The following WNK2 variants were observed in gnomAD, a reference collection of about 807,000 sequenced individuals.
The protein encoded by WNK2 is WNK lysine deficient protein kinase 2.
A neutral mutation model predicts 192.1 loss-of-function variants in WNK2; 67 were observed. That is an observed-to-expected ratio of 0.35 (90% CI 0.29 to 0.43). The LOEUF (loss-of-function observed/expected upper bound fraction) is 0.43, where lower values mean the gene tolerates loss of function less well. Among genes scored for constraint, WNK2 ranks in the 20% least tolerant of loss-of-function variants. WNK2 has a pLI of 1.00. For synonymous variants in WNK2, 1,439 were observed against 1,393.9 expected (o/e 1.03, Z -0.72); for missense variants, 2,698 against 3,089.7 (o/e 0.87, Z 3.01).
At position 93,292,721 on chromosome 9, in the gene WNK2, C is replaced by A. The variant is rs1014135438; in HGVS notation, c.5256C>A (p.Ser1752Arg). 4 of 1,557,068 alleles carry A rather than the reference C, an allele frequency of 2.6e-6. No individual in the cohort carries two copies. The highest frequency in any genetic ancestry group is 3.5e-6 in the Non-Finnish European group (4 of 1,152,090). Residue 1752 changes from serine to arginine, a missense_variant, in exon 23 of 30, where the codon AGC becomes AGA. Ser to Arg is a moderately radical substitution (Grantham distance 110, BLOSUM62 -1). Around this residue, in one of 7 missense-constraint regions of WNK2, gnomAD observed 1,098 missense variants for 1,101.0 expected, o/e 1.00. Transcript: ENST00000427277. ...AKTVGRFSVV[S>R]TQDEWTLASP... ...CTGTGGGCCGTTTCTCGGTGGTCAGCACTCAGGACGAGTGGACCCTGGCCT... is the reference window on the plus strand; with the variant it reads ...CTGTGGGCCGTTTCTCGGTGGTCAGAACTCAGGACGAGTGGACCCTGGCCT...
chr9:93,280,784 A>G (rs1055330922), intron 19 of WNK2, among the ~76,000 whole-genome samples: 1 of 152,178 alleles, frequency 6.6e-6, no homozygotes, highest in African/African-American at 2.4e-5. Context: ...CTGTGGCAGA[A>G]GCTTCCAAAC....
At chr9:93,214,884 T>A (rs933120306) in intron 2 of WNK2, among the ~76,000 whole-genome samples, 4 of 151,356 alleles carry the variant, frequency 2.6e-5, no homozygotes, top group African/African-American at 7.3e-5. Flanking sequence ...GGCATTATTA[T>A]TATTATTATT....
intron 19 of WNK2, among the ~76,000 whole-genome samples, chr9:93,270,139 T>C (rs1472578367): frequency 6.6e-6 from 1 of 152,204 alleles, no homozygotes; most frequent in Non-Finnish European, 1.5e-5. Flanking sequence ...AGGGTGGTCC[T>C]GCTGAAGCGC....
At chr9:93,306,937 C>G in intron 27 of WNK2, 116 bp downstream of exon 27, 2 of 1,300,714 alleles carry the variant, frequency 1.5e-6, no homozygotes, top group South Asian at 1.2e-5. Context: ...GTGCCTGCCC[C>G]GCGCCTGCTC....
chr9:93,274,515 C>CAAAAAAAAAAAA (rs67350876), intron 19 of WNK2, among the ~76,000 whole-genome samples: 3 of 118,396 alleles, frequency 2.5e-5, no homozygotes, highest in Admixed American at 8.3e-5. Context: ...CCGTCTCAAC[C>CAAAAAAAAAAAA]AAAAAAAAAA....
At chr9:93,233,560 T>C (rs1839268861) in intron 4 of WNK2, among the ~76,000 whole-genome samples, 1 of 151,612 alleles carries the variant, frequency 6.6e-6, no homozygotes, top group Non-Finnish European at 1.5e-5. Flanking sequence ...TAGCCAGGCA[T>C]GGCGGCAGAC....
At chr9:93,211,298 TC>T in intron 2 of WNK2, among the ~76,000 whole-genome samples, 1 of 149,704 alleles carries the variant, frequency 6.7e-6, no homozygotes, top group South Asian at 2.1e-4. Context: ...ATACACTCAG[TC>T]ACTCATTCAC....
chr9:93,214,337 T>C (rs1835312956), intron 2 of WNK2, among the ~76,000 whole-genome samples: 1 of 152,176 alleles, frequency 6.6e-6, no homozygotes, highest in Admixed American at 6.6e-5. Context: ...GGAGTCTTGC[T>C]CTGTGGCCCA....
chr9:93,284,639 A>T (rs1848197765), intron 19 of WNK2, among the ~76,000 whole-genome samples: 1 of 151,520 alleles, frequency 6.6e-6, no homozygotes, highest in Non-Finnish European at 1.5e-5. Context: ...GGGGAGAGGT[A>T]AAAAGGGAGA....
At chr9:93,307,540 A>G (rs761469882) in intron 27 of WNK2, 1 of 152,308 alleles carries the variant, frequency 6.6e-6, no homozygotes, top group Non-Finnish European at 1.5e-5. Context: ...TAGTCCCTTA[A>G]AAAACACTTT....
At chr9:93,312,945 C>T (rs1853944912) in intron 28 of WNK2, among the ~76,000 whole-genome samples, 1 of 152,204 alleles carries the variant, frequency 6.6e-6, no homozygotes, top group African/African-American at 2.4e-5. Flanking sequence ...GTGTCTCCAG[C>T]TTGCTGATTC....
chr9:93,300,540 TATAC>T (rs1851421518), intron 26 of WNK2, among the ~76,000 whole-genome samples: 1 of 152,028 alleles, frequency 6.6e-6, no homozygotes, highest in Non-Finnish European at 1.5e-5. Flanking sequence ...TTGTGGCAAA[TATAC>T]ATGTCCGCTG....
In WNK2 at chr9:93,197,984, A is replaced by G. The variant is rs1005877311; in HGVS notation, c.681+12374A>G. The stretch of plus-strand genomic sequence containing the variant: ...GCTCACGTCAGTGGGGCACCACTGT[A>G]TACTCTAGAGGCATATTGGCTTCCT... On this transcript the variant is annotated intron_variant, in intron 2 of 29. Transcript: ENST00000427277. Among the ~76,000 whole-genome samples the G allele has an allele frequency of 3.9e-5, 6 of 152,244 alleles. No individual in the cohort carries two copies. The South Asian group carries it at 1.0e-3, about 26-fold the overall frequency.
intron 2 of WNK2, among the ~76,000 whole-genome samples, chr9:93,212,622 C>T (rs1564001947): frequency 6.6e-6 from 1 of 152,208 alleles, no homozygotes; most frequent in South Asian, 2.1e-4. Context: ...TGCTAAGCTG[C>T]TGAGCCTGTC....
intron 5 of WNK2, among the ~76,000 whole-genome samples, chr9:93,237,763 C>T (rs967196141): frequency 5.3e-5 from 8 of 152,210 alleles, no homozygotes; most frequent in African/African-American, 1.9e-4. Flanking sequence ...TGTGGTTCTT[C>T]ACCCGGCCCT....
chr9:93,269,062 C>A (rs769075390), intron 19 of WNK2: 1 of 948,860 alleles, frequency 1.1e-6, no homozygotes, highest in Non-Finnish European at 1.6e-6. Context: ...CAACTCCTTG[C>A]TCCTGTCCCT....
rs1479173744 is a variant in WNK2 at position 93,289,617 on chromosome 9, C to G, written c.4863C>G (p.Pro1621=). Residue 1621 remains proline, a synonymous_variant, in exon 20 of 30, where the codon CCC becomes CCG. Transcript: ENST00000427277. ...AVSGRVQLPQ[P]LVEKSELAPT... ...CAGGGCGTGTCCAGCTGCCCCAGCC[C>G]TTGGTGAGTAGCTGCCTTGTCCCAG... is the stretch of plus-strand genomic sequence containing the variant. The G allele has an allele frequency of 1.4e-6, 2 of 1,469,668 alleles. No individual in the cohort carries two copies. Among genetic ancestry groups the G allele is most frequent in the Non-Finnish European group, 1.8e-6 (2 of 1,116,046 alleles). The allele number at this position is 1,469,668 out of a possible 1,614,324, so 91.0% of individuals were successfully genotyped here.
At chr9:93,260,123 C>G (rs547428823) in intron 12 of WNK2, among the ~76,000 whole-genome samples, 1 of 152,286 alleles carries the variant, frequency 6.6e-6, no homozygotes, top group South Asian at 2.1e-4. Flanking sequence ...GACCCGGGGC[C>G]ATGTCCTGAT....
intron 8 of WNK2, among the ~76,000 whole-genome samples, chr9:93,250,464 G>A (rs1842428049): frequency 6.6e-6 from 1 of 152,222 alleles, no homozygotes; most frequent in East Asian, 1.9e-4. Flanking sequence ...ATAATGGATA[G>A]CACCCCGCAT....
Sources: allele counts gnomAD v4.1 joint callset (sites outside exome capture counted in the v4.1 genomes callset), GRCh38; gene constraint gnomAD v4.1.1; regional missense constraint gnomAD v4.1.1; transcripts MANE v1.5; gene names NCBI Gene and HGNC (gene_info 2026-07-23, HGNC 2026-07-21).